ATP8B3: variants seen among roughly 807,000 people sequenced by gnomAD.
ATP8B3 encodes ATPase phospholipid transporting 8B3.
Under a neutral mutation model 140.9 loss-of-function variants are expected in ATP8B3, and 141 were observed. The ratio of observed to expected loss-of-function variants is 1.00; its 90% CI spans 0.87 to 1.15. ATP8B3 has a LOEUF of 1.15. ATP8B3 is among the 50% of genes most tolerant of loss of function. The probability of loss-of-function intolerance (pLI) is 0.00; values close to 1 mark genes in which losing one functional copy is unlikely to be tolerated. For missense variants in ATP8B3, 1,874 were observed against 1,740.6 expected, an observed-to-expected ratio of 1.08 and a Z score of -1.36; for synonymous variants, 765 against 714.6, an observed-to-expected ratio of 1.07 and a Z score of -1.13.
Position 1,802,482 on chromosome 19 carries a change from C to T in ATP8B3, c.1063+5G>A, listed in dbSNP as rs570959460. On this transcript the variant is annotated splice_donor_5th_base_variant and intron_variant, in intron 11 of 28. Transcript: ENST00000310127. ...TCCCACTCCAGGACCCTGGAGCAGCCGTACCAGCATAAATGACCAGTCCAT... is the reference window on the plus strand; with the variant it reads ...TCCCACTCCAGGACCCTGGAGCAGCTGTACCAGCATAAATGACCAGTCCAT... 1.3e-5 allele frequency: 21 copies of T among 1,585,382 alleles called. No individual in the cohort carries two copies. Among genetic ancestry groups the T allele is most frequent in the South Asian group, 1.2e-4 (11 of 89,882 alleles).
rs1330180910 is a variant in ATP8B3, at chr19:1,795,916, T to C, written c.2014A>G (p.Arg672Gly). 2 of 1,612,680 alleles carry C rather than the reference T, an allele frequency of 1.2e-6. No homozygotes were observed. Among genetic ancestry groups the C allele is most frequent in the South Asian group, 2.2e-5 (2 of 91,066 alleles). ...GTGGCAAATTCCATTGCCCCCCTCC[T>C]GTGCAAGCGTTCGAAGATGACCGTG... ...ADTVIFERLH[R>G]RGAMEFATEE... The change falls in exon 18 of 29, where the codon AGG becomes GGG. Residue 672 changes from arginine to glycine, a missense_variant. By Grantham distance (125) the Arg-to-Gly change is moderately radical. Transcript: ENST00000310127.
rs759022440 is a variant in ATP8B3, at chr19:1,788,995, C to G, written c.2971G>C (p.Val991Leu). 1.2e-6 allele frequency: 2 copies of G among 1,610,558 alleles called. No individual in the cohort carries two copies. Among genetic ancestry groups the G allele is most frequent in the Admixed American group, 1.7e-5 (1 of 59,664 alleles). The change falls in exon 24 of 29, where the codon GTG becomes CTG. Residue 991 changes from valine to leucine, a missense_variant. Physicochemically the swap from Val to Leu is conservative, Grantham distance 32 (BLOSUM62 1). This residue lies in a region of ATP8B3 where 840 missense variants were observed against 760.9 expected (regional missense o/e 1.10). Transcript: ENST00000310127. ...LLLVHGRWSY[V>L]RICKFLRYFF... is the part of the protein sequence containing the mutation. ...TAGCGCAGGAACTTGCAGATCCGCA[C>G]GTAGGACCAGCGGCCGTGCACCAGC... is the stretch of plus-strand genomic sequence containing the variant.
At position 1,789,137 on chromosome 19, in the gene ATP8B3, G is replaced by C. The variant is rs1416611624; in HGVS notation, c.2846-17C>G. 1 of 1,550,154 alleles carries C rather than the reference G, an allele frequency of 6.5e-7. No homozygotes were observed. ...CGTCCGCGGCTGCAGGGCACAAGCA[G>C]CTGGTCAGCCCCCCGCACGCCCCCA... On this transcript the variant is annotated splice_polypyrimidine_tract_variant and intron_variant, in intron 23 of 28. Coordinates refer to ENST00000310127, the MANE Select transcript of ATP8B3 (RefSeq NM_138813.4).
chr19:1,783,731 A>T (rs2068224519), intron 28 of ATP8B3, among the ~76,000 whole-genome samples: 1 of 152,202 alleles, frequency 6.6e-6, no homozygotes. Context: ...CTGGGCAGGG[A>T]GAACAGAGGT....
At chr19:1,799,504 G>A (rs1166337365) in intron 14 of ATP8B3, 3 of 296,258 alleles carry the variant, frequency 1.0e-5, no homozygotes, top group South Asian at 1.3e-4. Flanking sequence ...GGTGGCTCAC[G>A]CCTGTAATCC....
chr19:1,785,761 C>A, intron 25 of ATP8B3, 53 bp from the exon 26 acceptor site: 3 of 1,389,796 alleles, frequency 2.2e-6, no homozygotes, highest in South Asian at 1.2e-5. Flanking sequence ...GGACACCCAA[C>A]AGAGATCAGG....
chr19:1,794,442 C>T lies in ATP8B3; in HGVS notation c.2055+1433G>A, dbSNP rs2068607439. On this transcript the variant is annotated intron_variant, in intron 18 of 28. Transcript: ENST00000310127. This position sits in a 1 kb window ranked among gnomAD's most constrained non-coding sequence, Gnocchi z 4.8. ...GAGCAGGGGACACAGGACATCTTCC[C>T]ACACACACCCCGCTGCCCTGTGCTC... Among the ~76,000 whole-genome samples the T allele has an allele frequency of 6.6e-6, 1 of 151,950 alleles. No individual in the cohort carries two copies. The highest frequency in any genetic ancestry group is 1.5e-5 in the Non-Finnish European group (1 of 67,978).
Position 1,800,444 on chromosome 19 carries a change from G to A in ATP8B3, c.1158C>T (p.Phe386=), listed in dbSNP as rs1288001207. Residue 386 remains phenylalanine, a synonymous_variant, in exon 13 of 29, where the codon TTC becomes TTT. Transcript: ENST00000310127. This position sits in a 1 kb window ranked among gnomAD's most constrained non-coding sequence, Gnocchi z 4.4. Reference sequence around the variant, plus strand: ...CCAGGCAGACAAGCACCACGGAGATGAAGATCTGGAAGGCAGACGCGACAG... The same window carrying A: ...CCAGGCAGACAAGCACCACGGAGATAAAGATCTGGAAGGCAGACGCGACAG... ...LLMNKLVVVI[F]ISVVLVCLVL... The A allele has an allele frequency of 1.3e-6, 2 of 1,505,124 alleles. No individual in the cohort carries two copies. The highest frequency in any genetic ancestry group is 1.8e-6 in the Non-Finnish European group (2 of 1,110,208). The allele number at this position is 1,505,124 out of a possible 1,614,324, so 93.2% of individuals were successfully genotyped here.
At chr19:1,790,919 G>A in intron 20 of ATP8B3, 87 bp from the exon 21 acceptor site, 2 of 1,244,466 alleles carry the variant, frequency 1.6e-6, no homozygotes, top group Non-Finnish European at 2.2e-6. Flanking sequence ...GTGAATCCTG[G>A]CCCGACCAAT....
intron 14 of ATP8B3, among the ~76,000 whole-genome samples, chr19:1,798,520 C>CCG (rs1171353768): frequency 5.9e-5 from 9 of 151,874 alleles, no homozygotes; most frequent in Non-Finnish European, 8.8e-5. Flanking sequence ...AGGCAGATCA[C>CCG]GAGGTCAGGA....
Position 1,800,032 on chromosome 19 carries a change from C to T in ATP8B3, c.1467G>A (p.Val489=), listed in dbSNP as rs759048770. ...CCGTCTTGTCCGAGAAGATGTATTC[C>T]ACCTGGCCCAGGTGGTCGTTGAGGC... The part of the protein sequence containing the change: ...STSLNDHLGQ[V]EYIFSDKTGT... Residue 489 remains valine (V), a synonymous_variant, in exon 14 of 29, where the codon GTG becomes GTA. Coordinates refer to ENST00000310127, the MANE Select transcript of ATP8B3 (RefSeq NM_138813.4). This position sits in a 1 kb window ranked among gnomAD's most constrained non-coding sequence, Gnocchi z 4.4. The T allele has an allele frequency of 1.2e-6, 2 of 1,603,562 alleles. No individual in the cohort carries two copies. The highest frequency in any genetic ancestry group is 8.5e-7 in the Non-Finnish European group (1 of 1,175,296).
intron 27 of ATP8B3, 47 bp downstream of exon 27, chr19:1,785,112 C>G (rs1229180276): frequency 3.3e-6 from 5 of 1,495,568 alleles, no homozygotes; most frequent in Admixed American, 4.7e-5. Context: ...TCCATCGGGG[C>G]TCCCCTGCAC....
chr19:1,796,945 G>A lies in ATP8B3; in HGVS notation c.1584+29C>T, dbSNP rs538259959. On this transcript the variant is annotated intron_variant, in intron 15 of 28. Coordinates refer to ENST00000310127, the MANE Select transcript of ATP8B3 (RefSeq NM_138813.4). ...CTCCCCGTGCCCCGTCCCCCTCACCGTCCCGCGCTGCAAGCCAGGCAGGCT... is the reference window on the plus strand; with the variant it reads ...CTCCCCGTGCCCCGTCCCCCTCACCATCCCGCGCTGCAAGCCAGGCAGGCT... The A allele has an allele frequency of 1.2e-5, 19 of 1,612,622 alleles. 1 individual carries two copies. Among genetic ancestry groups the A allele is most frequent in the South Asian group, 4.4e-5 (4 of 91,070 alleles).
chr19:1,795,828 CA>C (rs2068648244), intron 18 of ATP8B3, 46 bp downstream of exon 18: 2 of 1,328,804 alleles, frequency 1.5e-6, no homozygotes, highest in African/African-American at 1.6e-5. Flanking sequence ...CACACACACA[CA>C]CACACACACA....
rs1004414345 is a variant in ATP8B3 at position 1,800,594 on chromosome 19, C to T, written c.1153-145G>A. On this transcript the variant is annotated intron_variant, in intron 12 of 28. Coordinates refer to ENST00000310127, the MANE Select transcript of ATP8B3 (RefSeq NM_138813.4). This position sits in a 1 kb window ranked among gnomAD's most constrained non-coding sequence, Gnocchi z 4.4. The stretch of plus-strand genomic sequence containing the variant: ...CAGCACTTCAGGAGGCTAAGGCAGG[C>T]GGATGGCTTGACGTCAGGAGTTCAA... 1.4e-4 allele frequency: 106 copies of T among 734,238 alleles called. No individual in the cohort carries two copies. Among genetic ancestry groups the T allele is most frequent in the Non-Finnish European group, 1.9e-4 (86 of 454,000 alleles). 45.5% of individuals were successfully genotyped at this position (734,238 alleles called of 1,614,324 possible). A position where few individuals can be genotyped will look rare whatever the true frequency, so the allele number is the denominator to read the frequency against.
chr19:1,791,861 G>C lies in ATP8B3; in HGVS notation c.2191C>G (p.Leu731Val). 1.9e-6 allele frequency: 3 copies of C among 1,610,536 alleles called. No homozygotes were observed. Among genetic ancestry groups the C allele is most frequent in the South Asian group, 2.2e-5 (2 of 91,078 alleles). Residue 731 changes from leucine (L) to valine (V), a missense_variant and splice_region_variant, in exon 20 of 29, where the codon CTG (leucine) becomes GTG (valine). By Grantham distance (32) the Leu-to-Val change is conservative. Around this residue, in one of 3 missense-constraint regions of ATP8B3, gnomAD observed 840 missense variants for 760.9 expected, o/e 1.10. Coordinates refer to ENST00000310127, the MANE Select transcript of ATP8B3 (RefSeq NM_138813.4). ...LQNRAQALQQ[L>V]LGATAIEDRL... ...TCCTCGATGGCTGTGGCTCCCAGCA[G>C]CTGGTGGGGGAGGAGGGCAGGGCGG...
chr19:1,806,497 G>T lies in ATP8B3; in HGVS notation c.677+131C>A. 6.7e-7 allele frequency: 1 copy of T among 1,492,250 alleles called. No individual in the cohort carries two copies. Among genetic ancestry groups the T allele is most frequent in the South Asian group, 1.3e-5 (1 of 74,776 alleles). 92.4% of individuals were successfully genotyped at this position (1,492,250 alleles called of 1,614,324 possible). On this transcript the variant is annotated intron_variant, in intron 7 of 28. Coordinates refer to ENST00000310127, the MANE Select transcript of ATP8B3 (RefSeq NM_138813.4). This position sits in a 1 kb window ranked among gnomAD's most constrained non-coding sequence, Gnocchi z 5.6. ...CAAACGCCTAATGAATGCAGGCCCGGTTCCTGTCGGACTCAACCAGCCGGG... is the reference window on the plus strand; with the variant it reads ...CAAACGCCTAATGAATGCAGGCCCGTTTCCTGTCGGACTCAACCAGCCGGG...
Position 1,805,528 on chromosome 19 carries a change from G to A in ATP8B3, c.822-72C>T. 2 of 1,298,450 alleles carry A rather than the reference G, an allele frequency of 1.5e-6. No homozygotes were observed. Among genetic ancestry groups the A allele is most frequent in the East Asian group, 2.5e-5 (1 of 39,752 alleles). 80.4% of individuals were successfully genotyped at this position (1,298,450 alleles called of 1,614,324 possible). On this transcript the variant is annotated intron_variant, in intron 9 of 28. Coordinates refer to ENST00000310127, the MANE Select transcript of ATP8B3 (RefSeq NM_138813.4). The surrounding 1 kb of genome is among the most constrained non-coding windows in gnomAD (Gnocchi z 5.2). ...TTCGAGGAGCCCCCAGACCCCTTCT[G>A]GAGTCACTCAAACATTTTCACTGAG...
chr19:1,796,875 T>A lies in ATP8B3; in HGVS notation c.1589A>T (p.Asn530Ile). The A allele has an allele frequency of 6.2e-7, 1 of 1,611,702 alleles. No individual in the cohort carries two copies. The highest frequency in any genetic ancestry group is 8.5e-7 in the Non-Finnish European group (1 of 1,179,162). ...GGCGAACTTGTTCCAGAGGTAGGGG[T>A]TCTCCTGGGGGTGGCGGGGGCACGG... ...DSEATTRPKE[N>I]PYLWNKFADG... The change falls in exon 16 of 29, where the codon AAC becomes ATC. Residue 530 changes from asparagine (N) to isoleucine (I), a missense_variant. This residue lies in a region of ATP8B3 where 1,032 missense variants were observed against 963.6 expected (regional missense o/e 1.07). Transcript: ENST00000310127.
Sources: gnomAD v4.1 joint callset for allele counts (sites outside exome capture counted in the v4.1 genomes callset) on GRCh38, gnomAD v4.1.1 for gene constraint, gnomAD v4.1.1 regional missense constraint, Gnocchi (gnomAD v3.1) non-coding constraint, MANE v1.5 for transcripts, NCBI Gene and HGNC (gene_info 2026-07-23, HGNC 2026-07-21) for gene names.